ZNF827: variants seen among roughly 807,000 people sequenced by gnomAD.
ZNF827 encodes zinc finger protein 827.
Under a neutral mutation model 102.4 loss-of-function variants are expected in ZNF827, and 13 were observed. The observed-to-expected ratio is 0.13, with a 90% CI of 0.08 to 0.20. The LOEUF (loss-of-function observed/expected upper bound fraction) is 0.20, where lower values mean the gene tolerates loss of function less well. Ranked by LOEUF, ZNF827 falls within the 10% of genes least tolerant of loss-of-function variation. ZNF827 has a pLI of 1.00. For synonymous variants in ZNF827, 523 were observed against 536.2 expected (o/e 0.98, Z 0.34); for missense variants, 1,103 against 1,344.4 (o/e 0.82, Z 2.81).
At chr4:145,922,629 T>C (rs1238126195) in intron 1 of ZNF827, among the ~76,000 whole-genome samples, 3 of 152,222 alleles carry the variant, frequency 2.0e-5, no homozygotes, top group Non-Finnish European at 1.5e-5. Context: ...TGTAATGAAA[T>C]ACATGCATAA....
chr4:145,779,389 G>T lies in ZNF827; in HGVS notation c.2506C>A (p.Leu836Ile), dbSNP rs1159908221. The stretch of plus-strand genomic sequence containing the variant: ...ACTCACTCACCTGTGTGCAGCGAGA[G>T]GTGTCGGGACAATGTCTGCTGTCGG... ...FGRQQTLSRH[L>I]SLHTEERKYK... Residue 836 changes from leucine to isoleucine, a missense_variant, in exon 9 of 15, where the codon CTC (leucine) becomes ATC (isoleucine). Leu to Ile is a conservative substitution (Grantham distance 5, BLOSUM62 2). Around this residue, in one of 5 missense-constraint regions of ZNF827, gnomAD observed 242 missense variants for 361.9 expected, o/e 0.67. Transcript: ENST00000508784. 1.2e-6 allele frequency: 2 copies of T among 1,614,028 alleles called. No homozygotes were observed. Among genetic ancestry groups the T allele is most frequent in the Admixed American group, 3.3e-5 (2 of 60,000 alleles).
intron 1 of ZNF827, among the ~76,000 whole-genome samples, chr4:145,921,688 C>G (rs2126965105): frequency 6.6e-6 from 1 of 152,194 alleles, no homozygotes; most frequent in South Asian, 2.1e-4. Flanking sequence ...GTTTCTGTCT[C>G]AGATGAGTGG....
chr4:145,876,030 A>G (rs1239478070), intron 4 of ZNF827, among the ~76,000 whole-genome samples: 7 of 152,228 alleles, frequency 4.6e-5, no homozygotes, highest in Non-Finnish European at 7.3e-5. Context: ...AGTTTTGTGT[A>G]GTAGCCCTTG....
At chr4:145,799,414 T>C (rs1193696162) in intron 8 of ZNF827, among the ~76,000 whole-genome samples, 1 of 152,188 alleles carries the variant, frequency 6.6e-6, no homozygotes, top group Non-Finnish European at 1.5e-5. Flanking sequence ...AATAAGGAAG[T>C]CTGGCACGGA....
intron 1 of ZNF827, among the ~76,000 whole-genome samples, chr4:145,907,521 C>T (rs1475275925): frequency 1.3e-5 from 2 of 152,258 alleles, no homozygotes; most frequent in Non-Finnish European, 2.9e-5. Flanking sequence ...AGCAAGACAC[C>T]TCCATTTTCC....
chr4:145,907,261 A>AAG (rs1561067490), intron 1 of ZNF827: 1 of 454,090 alleles, frequency 2.2e-6, no homozygotes, highest in Non-Finnish European at 4.4e-6. Context: ...CTCATAATGG[A>AAG]GGAGTTCTTG....
At chr4:145,827,496 T>C (rs1743808378) in intron 7 of ZNF827, among the ~76,000 whole-genome samples, 2 of 152,216 alleles carry the variant, frequency 1.3e-5, no homozygotes, top group Admixed American at 1.3e-4. Flanking sequence ...AATTTGCAAC[T>C]CTAAACATTC....
At chr4:145,775,663 TCAAATGAAGGC>T in intron 10 of ZNF827, 115 bp downstream of exon 10, 1 of 1,190,908 alleles carries the variant, frequency 8.4e-7, no homozygotes. Context: ...AAGAAATTAC[TCAAATGAAGGC>T]CAGGCTATGA....
intron 2 of ZNF827, among the ~76,000 whole-genome samples, chr4:145,897,802 G>A (rs1751091984): frequency 6.6e-6 from 1 of 152,124 alleles, no homozygotes; most frequent in Non-Finnish European, 1.5e-5. Context: ...AAAAATCTAG[G>A]TTAAAAAGTG....
chr4:145,886,196 C>T (rs764325571), intron 3 of ZNF827, 38 bp from the exon 4 acceptor site: 7 of 1,543,278 alleles, frequency 4.5e-6, no homozygotes, highest in Non-Finnish European at 6.1e-6. Flanking sequence ...AGCCACCGTG[C>T]ATTTATGGAA....
chr4:145,806,375 C>T (rs571921214), intron 8 of ZNF827, among the ~76,000 whole-genome samples: 19 of 151,938 alleles, frequency 1.3e-4, no homozygotes, highest in Admixed American at 9.2e-4. Flanking sequence ...AGGCTGGTCT[C>T]GAACTCCTGA....
At chr4:145,859,530 G>A (rs1276501047) in intron 5 of ZNF827, among the ~76,000 whole-genome samples, 3 of 152,120 alleles carry the variant, frequency 2.0e-5, no homozygotes, top group African/African-American at 7.2e-5. Context: ...TTCCCTCCGG[G>A]CTCTCACTTC....
intron 1 of ZNF827, among the ~76,000 whole-genome samples, chr4:145,928,933 C>T (rs1309859081): frequency 1.3e-5 from 2 of 152,164 alleles, no homozygotes; most frequent in Non-Finnish European, 2.9e-5. Flanking sequence ...TGGAGACAGC[C>T]GCCACCGACT....
rs528252017 is a variant in ZNF827 at position 145,938,495 on chromosome 4, C to A, written c.-88G>T. The A allele has an allele frequency of 8.1e-4, 86 of 105,784 alleles. 2 individuals are homozygous for A. Among genetic ancestry groups the A allele is most frequent in the South Asian group, 7.6e-3 (84 of 11,016 alleles). The allele number at this position is 105,784 out of a possible 1,614,324, so 6.6% of individuals were successfully genotyped here. A position where few individuals can be genotyped will look rare whatever the true frequency, so the allele number is the denominator to read the frequency against. ...GCAGAGAGGCAGACACTGGCAGGAG[C>A]GGGGAGGTAGTTGGGGGGCGGGCGG... On this transcript the variant is annotated 5_prime_UTR_variant, in exon 1 of 15. Coordinates refer to ENST00000508784, the MANE Select transcript of ZNF827 (RefSeq NM_001306215.2).
chr4:145,823,886 G>C (rs1159463521), intron 7 of ZNF827, among the ~76,000 whole-genome samples: 2 of 152,142 alleles, frequency 1.3e-5, no homozygotes, highest in African/African-American at 4.8e-5. Flanking sequence ...GCCTGTCTGT[G>C]GTTTTCCCGG....
chr4:145,884,394 C>G (rs1257092611), intron 4 of ZNF827, among the ~76,000 whole-genome samples: 1 of 152,100 alleles, frequency 6.6e-6, no homozygotes, highest in East Asian at 1.9e-4. Context: ...TAGTGAAATG[C>G]GACTCACATT....
At chr4:145,933,553 T>G (rs562435058) in intron 1 of ZNF827, among the ~76,000 whole-genome samples, 253 of 152,304 alleles carry the variant, frequency 1.7e-3, no homozygotes, top group African/African-American at 5.7e-3. Flanking sequence ...AGAAAGAATT[T>G]TAAAAAGTTT....
intron 1 of ZNF827, among the ~76,000 whole-genome samples, chr4:145,907,797 A>G (rs1751985842): frequency 6.6e-6 from 1 of 152,252 alleles, no homozygotes; most frequent in Non-Finnish European, 1.5e-5. Flanking sequence ...ATTCTTGTCA[A>G]TTTTACACAA....
intron 1 of ZNF827, among the ~76,000 whole-genome samples, chr4:145,909,325 G>A (rs1269148038): frequency 6.6e-6 from 1 of 152,172 alleles, no homozygotes; most frequent in Non-Finnish European, 1.5e-5. Flanking sequence ...AGCAATAAGG[G>A]AATTTTCTCA....
Sources: allele counts gnomAD v4.1 joint callset (sites outside exome capture counted in the v4.1 genomes callset), GRCh38; gene constraint gnomAD v4.1.1; regional missense constraint gnomAD v4.1.1; transcripts MANE v1.5; gene names NCBI Gene and HGNC (gene_info 2026-07-23, HGNC 2026-07-21).